BLTP1: variants seen among roughly 807,000 people sequenced by gnomAD.
The protein encoded by BLTP1 is bridge-like lipid transfer protein family member 1, also known as fragile site-associated protein.
chr4:122,355,636 T>TA, the BLTP1 span: 3 of 198,582 alleles, frequency 1.5e-5, no homozygotes, highest in South Asian at 5.3e-4. Context: ...TATATGTATA[T>TA]ATCTGTATAC....
At chr4:122,192,945 G>C in the BLTP1 span, among the ~76,000 whole-genome samples, 1 of 152,172 alleles carries the variant, frequency 6.6e-6, no homozygotes, top group Non-Finnish European at 1.5e-5. Context: ...GAGTCTAAGA[G>C]TCCTCCAACA....
At chr4:122,357,048 G>A in the BLTP1 span, 1 of 982,070 alleles carries the variant, frequency 1.0e-6, no homozygotes, top group Non-Finnish European at 1.2e-6. Context: ...AGAAAATACT[G>A]CAAATCAAAG....
At chr4:122,200,116 CAT>C in the BLTP1 span, 3 of 900,678 alleles carry the variant, frequency 3.3e-6, no homozygotes, top group Admixed American at 6.2e-5. Context: ...TTACATATGA[CAT>C]ATGTAAATTA....
At chr4:122,243,148 T>G in the BLTP1 span, 1 of 1,351,634 alleles carries the variant, frequency 7.4e-7, no homozygotes, top group South Asian at 1.3e-5. Context: ...ATAATCATTC[T>G]TTATTTGAGT....
the BLTP1 span, among the ~76,000 whole-genome samples, chr4:122,324,728 C>T: frequency 6.6e-6 from 1 of 151,922 alleles, no homozygotes; most frequent in African/African-American, 2.4e-5. Flanking sequence ...TTTATAACCA[C>T]AATGCGGTAA....
At chr4:122,174,707 T>A in the BLTP1 span, 1 of 1,263,180 alleles carries the variant, frequency 7.9e-7, no homozygotes, top group Non-Finnish European at 1.1e-6. Flanking sequence ...TTAAAAATAT[T>A]GTTAAAATGT....
chr4:122,313,548 G>C, the BLTP1 span: 21 of 1,007,718 alleles, frequency 2.1e-5, no homozygotes, highest in East Asian at 3.2e-4. Context: ...CAATAATCTT[G>C]TGTGAAAAAT....
At chr4:122,247,163 T>C in the BLTP1 span, 2 of 1,608,190 alleles carry the variant, frequency 1.2e-6, no homozygotes, top group South Asian at 1.1e-5. Context: ...TAAAGAGGTG[T>C]GGTTGAAGAG....
the BLTP1 span, chr4:122,187,253 CA>C: frequency 1.0e-6 from 1 of 982,074 alleles, no homozygotes; most frequent in Admixed American, 6.2e-5. Context: ...CTCCAGTAGA[CA>C]GCTGTAGGAA....
chr4:122,293,264 C>T, the BLTP1 span: 2 of 682,798 alleles, frequency 2.9e-6, no homozygotes, highest in South Asian at 1.3e-4. Flanking sequence ...AGCTGTAGTC[C>T]AGGACTCTCA....
At chr4:122,237,169 T>G in the BLTP1 span, 4 of 979,622 alleles carry the variant, frequency 4.1e-6, no homozygotes, top group Non-Finnish European at 4.8e-6. Flanking sequence ...CACAGAGATG[T>G]TTTTTTCCAT....
chr4:122,259,113 A>G, the BLTP1 span, among the ~76,000 whole-genome samples: 1 of 152,222 alleles, frequency 6.6e-6, no homozygotes, highest in Non-Finnish European at 1.5e-5. Flanking sequence ...CAAATTGAAA[A>G]TGTTGATAAT....
the BLTP1 span, chr4:122,243,213 A>G: frequency 3.1e-6 from 3 of 956,566 alleles, no homozygotes; most frequent in African/African-American, 1.6e-5. Context: ...TTTCTCTGCC[A>G]TGGCTTTGGC....
the BLTP1 span, chr4:122,348,497 A>T: frequency 1.1e-5 from 14 of 1,328,700 alleles, no homozygotes; most frequent in Non-Finnish European, 9.1e-6. Flanking sequence ...TAGCAATAAA[A>T]ATAGTTTTTG....
chr4:122,279,500 CA>C, the BLTP1 span, among the ~76,000 whole-genome samples: 13 of 152,108 alleles, frequency 8.5e-5, no homozygotes, highest in Admixed American at 8.5e-4. Flanking sequence ...TAGCAGAATT[CA>C]TGTTGTTTTG....
the BLTP1 span, chr4:122,244,168 GA>G: frequency 4.4e-6 from 4 of 899,588 alleles, no homozygotes; most frequent in African/African-American, 7.1e-5. Flanking sequence ...GAAGATTATT[GA>G]TAGCTATTTT....
At chr4:122,188,051 G>A in the BLTP1 span, 1 of 1,557,736 alleles carries the variant, frequency 6.4e-7, no homozygotes, top group Non-Finnish European at 8.6e-7. Flanking sequence ...AGTCATGCTT[G>A]TTCCTAGTCC....
At chr4:122,243,860 G>T in the BLTP1 span, 1 of 1,585,202 alleles carries the variant, frequency 6.3e-7, no homozygotes, top group East Asian at 2.3e-5. Context: ...ATAGTACGCC[G>T]TATACTCCAT....
chr4:122,221,749 G>C, the BLTP1 span: 4 of 967,444 alleles, frequency 4.1e-6, no homozygotes, highest in African/African-American at 7.0e-5. Flanking sequence ...TGGGAGGCAG[G>C]TATGTGGAGA....
Sources: allele counts gnomAD v4.1 joint callset (sites outside exome capture counted in the v4.1 genomes callset), GRCh38; gene constraint gnomAD v4.1.1; transcripts MANE v1.5; gene names NCBI Gene and HGNC (gene_info 2026-07-23, HGNC 2026-07-21).